Variants in MAPK8IP3 observed in about 807,000 individuals in gnomAD.
The protein encoded by MAPK8IP3 is mitogen-activated protein kinase 8 interacting protein 3, also known as C-Jun-amino-terminal kinase-interacting protein 3.
In MAPK8IP3, 49 loss-of-function variants were observed where a neutral mutation model predicts 157.8. That is an observed-to-expected ratio of 0.31 (90% CI 0.25 to 0.39). The LOEUF (loss-of-function observed/expected upper bound fraction) is 0.39, where lower values mean the gene tolerates loss of function less well. MAPK8IP3 is among the 10% of genes least tolerant of loss of function. The pLI, the probability that MAPK8IP3 is intolerant of heterozygous loss-of-function variation, is 1.00. For synonymous variants in MAPK8IP3, 897 were observed against 777.7 expected, an observed-to-expected ratio of 1.15 and a Z score of -2.55; for missense variants, 1,478 against 1,889.4, an observed-to-expected ratio of 0.78 and a Z score of 4.04.
intron 1 of MAPK8IP3, among the ~76,000 whole-genome samples, chr16:1,719,822 T>C (rs2038402879): frequency 6.6e-6 from 1 of 151,168 alleles, no homozygotes; most frequent in Non-Finnish European, 1.5e-5. Flanking sequence ...CCCCAAAAAA[T>C]TGAAAAATAA....
intron 13 of MAPK8IP3, among the ~76,000 whole-genome samples, chr16:1,761,515 CCACCATT>C (rs1385678012): frequency 1.2e-4 from 18 of 148,324 alleles, no homozygotes; most frequent in African/African-American, 3.6e-4. Flanking sequence ...GGCGGGGCGG[CCACCATT>C]CACCATTCAC....
chr16:1,729,638 ACG>A, intron 4 of MAPK8IP3, 60 bp downstream of exon 4: 1 of 1,462,184 alleles, frequency 6.8e-7, no homozygotes. Context: ...GGTACGCAGG[ACG>A]CGGCACATGC....
At chr16:1,746,312 T>C (rs1342533333) in intron 5 of MAPK8IP3, 1 of 152,254 alleles carries the variant, frequency 6.6e-6, no homozygotes, top group African/African-American at 2.4e-5. Context: ...ATTAGTCACA[T>C]AGAATGCGCT....
intron 2 of MAPK8IP3, among the ~76,000 whole-genome samples, chr16:1,728,709 A>G (rs1456042256): frequency 6.8e-6 from 1 of 146,928 alleles, no homozygotes; most frequent in African/African-American, 2.6e-5. Context: ...CGGCCTTCAC[A>G]GAGCTGAGTG....
At position 1,769,142 on chromosome 16, in the gene MAPK8IP3, C is replaced by T. The variant is rs1012774030; in HGVS notation, c.*318C>T. 7.7e-6 allele frequency: 3 copies of T among 389,794 alleles called. No individual in the cohort carries two copies. The highest frequency in any genetic ancestry group is 5.7e-5 in the East Asian group (1 of 17,480). The allele number at this position is 389,794 out of a possible 1,614,324, so 24.1% of individuals were successfully genotyped here. On this transcript the variant is annotated 3_prime_UTR_variant, in exon 32 of 32. Coordinates refer to ENST00000610761, the MANE Select transcript of MAPK8IP3 (RefSeq NM_001318852.2). ...CAGCGCAGGCAGAATCCGAGGTGGT[C>T]CTGGCTCTACCCTGGGCCTCCTACT...
intron 4 of MAPK8IP3, among the ~76,000 whole-genome samples, chr16:1,737,686 G>A (rs1261366742): frequency 1.1e-5 from 1 of 88,900 alleles, no homozygotes; most frequent in Non-Finnish European, 2.1e-5. Flanking sequence ...GTGACCGTCC[G>A]TGTGTGACCA....
intron 4 of MAPK8IP3, among the ~76,000 whole-genome samples, chr16:1,731,790 T>C (rs960270999): frequency 1.3e-5 from 2 of 152,226 alleles, no homozygotes; most frequent in African/African-American, 4.8e-5. Context: ...CTTATACGCG[T>C]ACCTGCATGT....
In MAPK8IP3 at chr16:1,764,111, G is replaced by A; in HGVS notation, c.2026-4G>A. On this transcript the variant is annotated splice_polypyrimidine_tract_variant and splice_region_variant and intron_variant, in intron 17 of 31. Coordinates refer to ENST00000610761, the MANE Select transcript of MAPK8IP3 (RefSeq NM_001318852.2). The stretch of plus-strand genomic sequence containing the variant: ...TGCCCACGGCGCCTCCCTGCTCCCT[G>A]CAGCTGAGTCCCAACGGGGGCCAGG... 6.2e-7 allele frequency: 1 copy of A among 1,605,664 alleles called. No individual in the cohort carries two copies.
chr16:1,722,044 A>G (rs899741625), intron 1 of MAPK8IP3, among the ~76,000 whole-genome samples: 2 of 152,226 alleles, frequency 1.3e-5, no homozygotes, highest in African/African-American at 4.8e-5. Flanking sequence ...TGCTGGGATT[A>G]CAGGCGTGAG....
chr16:1,765,852 G>A, intron 20 of MAPK8IP3, 108 bp from the exon 21 acceptor site: 3 of 1,048,508 alleles, frequency 2.9e-6, no homozygotes, highest in Non-Finnish European at 4.2e-6. Flanking sequence ...GGTCTGCTGG[G>A]AAAGTGGAAG....
intron 1 of MAPK8IP3, among the ~76,000 whole-genome samples, chr16:1,721,850 A>G (rs943643914): frequency 2.6e-5 from 4 of 151,366 alleles, no homozygotes; most frequent in Non-Finnish European, 5.9e-5. Context: ...GCTCCCTGCA[A>G]CCTCCGCCTC....
At chr16:1,718,815 C>T (rs1407554919) in intron 1 of MAPK8IP3, among the ~76,000 whole-genome samples, 1 of 152,004 alleles carries the variant, frequency 6.6e-6, no homozygotes, top group Non-Finnish European at 1.5e-5. Flanking sequence ...TTCCAGCATC[C>T]ACCCCCAGAA....
intron 8 of MAPK8IP3, among the ~76,000 whole-genome samples, chr16:1,753,021 C>T (rs2041382361): frequency 6.6e-6 from 1 of 152,314 alleles, no homozygotes; most frequent in South Asian, 2.1e-4. Context: ...AGGGGAGAGC[C>T]TGGAGCCTGC....
Position 1,762,789 on chromosome 16 carries a change from G to A in MAPK8IP3, c.1728-47G>A, listed in dbSNP as rs1414505381. The A allele has an allele frequency of 1.9e-6, 3 of 1,599,836 alleles. No homozygotes were observed. The South Asian group carries it at 3.3e-5, about 18-fold the overall frequency. On this transcript the variant is annotated intron_variant, in intron 15 of 31. Transcript: ENST00000610761. ...CAGCTGCAGGGGAAGGGGCAGGGAG[G>A]TTCCCTGGTCCTCTGCCCACCCCTC...
Position 1,766,775 on chromosome 16 carries a change from A to C in MAPK8IP3, c.2992A>C (p.Lys998Gln). The C allele has an allele frequency of 1.2e-6, 2 of 1,612,848 alleles. No individual in the cohort carries two copies. The highest frequency in any genetic ancestry group is 1.7e-6 in the Non-Finnish European group (2 of 1,179,934). ...CTGGAAGAAGTGCCTGCACTCCATC[A>C]AGCTGAAGGATTCTGTGCTGAGCCT... is the stretch of plus-strand genomic sequence containing the variant. The part of the protein sequence containing the change: ...ANWKKCLHSI[K>Q]LKDSVLSLVH... Residue 998 changes from lysine (K) to glutamine (Q), a missense_variant, in exon 24 of 32, where the codon AAG becomes CAG. Transcript: ENST00000610761.
chr16:1,718,104 C>T (rs2038276178), intron 1 of MAPK8IP3, among the ~76,000 whole-genome samples: 1 of 152,094 alleles, frequency 6.6e-6, no homozygotes, highest in South Asian at 2.1e-4. Context: ...TCGCCCGCCT[C>T]GGACTCCCAA....
At chr16:1,736,275 T>C (rs567875966) in intron 4 of MAPK8IP3, among the ~76,000 whole-genome samples, 80 of 78,260 alleles carry the variant, frequency 1.0e-3, no homozygotes, top group African/African-American at 4.0e-3. Flanking sequence ...CGTGTGACCA[T>C]CCATGTGAGC....
chr16:1,762,273 G>C (rs577114855), intron 13 of MAPK8IP3, 78 bp from the exon 14 acceptor site: 24 of 1,484,992 alleles, frequency 1.6e-5, no homozygotes, highest in South Asian at 2.7e-5. Context: ...CCACCTATAC[G>C]TGTAGGCACC....
At chr16:1,730,605 AG>A (rs1258967468) in intron 4 of MAPK8IP3, among the ~76,000 whole-genome samples, 2 of 152,014 alleles carry the variant, frequency 1.3e-5, no homozygotes, top group African/African-American at 2.4e-5. Context: ...GCACTTTGGG[AG>A]GGCAAGGAGG....
Sources: allele counts gnomAD v4.1 joint callset (sites outside exome capture counted in the v4.1 genomes callset), GRCh38; gene constraint gnomAD v4.1.1; transcripts MANE v1.5; gene names NCBI Gene and HGNC (gene_info 2026-07-23, HGNC 2026-07-21).